Variants in PGBD4 observed in about 807,000 individuals in gnomAD.
PGBD4 encodes piggyBac transposable element derived 4.
A neutral mutation model predicts 0.3 loss-of-function variants in PGBD4; 1 was observed. The observed-to-expected ratio is 3.72, with a 90% CI of 1.32 to 17.64. PGBD4 has a LOEUF of 17.64. Ranked by LOEUF, PGBD4 falls within the 30% of genes most tolerant of loss-of-function variation. The probability of loss-of-function intolerance (pLI) is 0.11; values close to 1 mark genes in which losing one functional copy is unlikely to be tolerated. For synonymous variants in PGBD4, 253 were observed against 267.7 expected (o/e 0.95, Z 0.54); for missense variants, 624 against 719.7 (o/e 0.87, Z 1.52).
rs564890704 is a variant in PGBD4 at position 34,107,942 on chromosome 15, G to C, written c.*3653G>C. On this transcript the variant is annotated 3_prime_UTR_variant, in exon 1 of 1. Transcript: ENST00000397766. ...CTCCCAAAGTGCTGGAATTACAGGC[G>C]TGAGCCACCATGCCTGGCTCTTCTT... is the stretch of plus-strand genomic sequence containing the variant. 6.6e-6 allele frequency: 1 copy of C among 151,988 alleles called. No individual in the cohort carries two copies. The highest frequency in any genetic ancestry group is 1.9e-4 in the East Asian group (1 of 5,146). 9.4% of individuals were successfully genotyped at this position (151,988 alleles called of 1,614,324 possible).
Position 34,103,480 on chromosome 15 carries a change from T to C in PGBD4, c.949T>C (p.Leu317=). ...GAAATCATCACGCATTGTTCTTACC[T>C]TGGTCAATGACCTTCTTGGCCAAGG... ...GLKSSRIVLT[L]VNDLLGQGYC... The change falls in exon 1 of 1, where the codon TTG becomes CTG. Residue 317 remains leucine, a synonymous_variant. Coordinates refer to ENST00000397766, the MANE Select transcript of PGBD4 (RefSeq NM_152595.5). The surrounding 1 kb of genome is among the most constrained non-coding windows in gnomAD (Gnocchi z 4.6). 1 of 1,614,248 alleles carries C rather than the reference T, an allele frequency of 6.2e-7. No individual in the cohort carries two copies. Among genetic ancestry groups the C allele is most frequent in the Non-Finnish European group, 8.5e-7 (1 of 1,180,038 alleles).
At position 34,108,265 on chromosome 15, in the gene PGBD4, T is replaced by C. The variant is rs571221231; in HGVS notation, c.*3976T>C. On this transcript the variant is annotated 3_prime_UTR_variant, in exon 1 of 1. Transcript: ENST00000397766. The stretch of plus-strand genomic sequence containing the variant: ...GGCGTGAGCCACCACGCTGGGCCTC[T>C]TCTTGGTTTTTTAATCCATCTTCTG... 6.6e-6 allele frequency: 1 copy of C among 152,406 alleles called. No homozygotes were observed. Among genetic ancestry groups the C allele is most frequent in the South Asian group, 2.1e-4 (1 of 4,830 alleles). The allele number at this position is 152,406 out of a possible 1,614,324, so 9.4% of individuals were successfully genotyped here. A position where few individuals can be genotyped will look rare whatever the true frequency, so the allele number is the denominator to read the frequency against.
In PGBD4 at chr15:34,105,520, A is replaced by G. The variant is rs1323381184; in HGVS notation, c.*1231A>G. 6.0e-6 allele frequency: 1 copy of G among 167,086 alleles called. No homozygotes were observed. The highest frequency in any genetic ancestry group is 1.5e-5 in the Non-Finnish European group (1 of 68,124). The allele number at this position is 167,086 out of a possible 1,614,324, so 10.4% of individuals were successfully genotyped here. A position where few individuals can be genotyped will look rare whatever the true frequency, so the allele number is the denominator to read the frequency against. On this transcript the variant is annotated 3_prime_UTR_variant, in exon 1 of 1. Transcript: ENST00000397766. The stretch of plus-strand genomic sequence containing the variant: ...GCCAAGTACTCAGCCCTGGCAGGGG[A>G]TGGGGACATGATGCCCAGAGCCACC...
Position 34,103,258 on chromosome 15 carries a change from C to G in PGBD4, c.727C>G (p.Pro243Ala), listed in dbSNP as rs1383090228. The G allele has an allele frequency of 6.8e-6, 11 of 1,614,020 alleles. No individual in the cohort carries two copies. The Admixed American group carries it at 1.3e-4, about 20-fold the overall frequency. ...AAATAAATTTTCCACTGTATATACT[C>G]CAAACAGAAACATTGCAGTTGATGA... ...LVNKFSTVYT[P>A]NRNIAVDESL... Residue 243 changes from proline (P) to alanine (A), a missense_variant, in exon 1 of 1, where the codon CCA becomes GCA. Coordinates refer to ENST00000397766, the MANE Select transcript of PGBD4 (RefSeq NM_152595.5). This position sits in a 1 kb window ranked among gnomAD's most constrained non-coding sequence, Gnocchi z 4.6.
At position 34,104,538 on chromosome 15, in the gene PGBD4, G is replaced by T. The variant is rs1221820557; in HGVS notation, c.*249G>T. The stretch of plus-strand genomic sequence containing the variant: ...GAATTGCTTGAACCCATGAGGCGGA[G>T]GTTGCAGTGAGCTGAGATCACACCA... On this transcript the variant is annotated 3_prime_UTR_variant, in exon 1 of 1. Coordinates refer to ENST00000397766, the MANE Select transcript of PGBD4 (RefSeq NM_152595.5). 1.2e-4 allele frequency: 59 copies of T among 498,614 alleles called. No individual in the cohort carries two copies. In the Admixed American group the frequency reaches 2.2e-3, roughly 19 times the overall value. The allele number at this position is 498,614 out of a possible 1,614,324, so 30.9% of individuals were successfully genotyped here. A position where few individuals can be genotyped will look rare whatever the true frequency, so the allele number is the denominator to read the frequency against.
At position 34,103,403 on chromosome 15, in the gene PGBD4, C is replaced by A. The variant is rs769720800; in HGVS notation, c.872C>A (p.Ala291Glu). The A allele has an allele frequency of 1.2e-6, 2 of 1,614,200 alleles. No homozygotes were observed. The highest frequency in any genetic ancestry group is 8.5e-7 in the Non-Finnish European group (1 of 1,180,048). The change falls in exon 1 of 1, where the codon GCG becomes GAG. Residue 291 changes from alanine to glutamate, a missense_variant. Physicochemically the swap from Ala to Glu is moderately radical, Grantham distance 107. Transcript: ENST00000397766. This position sits in a 1 kb window ranked among gnomAD's most constrained non-coding sequence, Gnocchi z 4.6. ...AGTCAGTCTGGTTATGTGTGGAATG[C>A]GCTTGTTCACACAGGGCCTGGCATG... ...CESQSGYVWN[A>E]LVHTGPGMNL...
At position 34,105,376 on chromosome 15, in the gene PGBD4, T is replaced by G. The variant is rs1174403812; in HGVS notation, c.*1087T>G. On this transcript the variant is annotated 3_prime_UTR_variant, in exon 1 of 1. Transcript: ENST00000397766. Reference sequence around the variant, plus strand: ...ACTTGCCCAAGATCTTTGTTGGCCCTAAACATCGCTGTCTCTGCTACAGAT... The same window carrying G: ...ACTTGCCCAAGATCTTTGTTGGCCCGAAACATCGCTGTCTCTGCTACAGAT... The G allele has an allele frequency of 6.0e-6, 1 of 167,156 alleles. No individual in the cohort carries two copies. Among genetic ancestry groups the G allele is most frequent in the Non-Finnish European group, 1.5e-5 (1 of 68,134 alleles). 10.4% of individuals were successfully genotyped at this position (167,156 alleles called of 1,614,324 possible).
rs1887769535 is a variant in PGBD4, at chr15:34,106,954, C to G, written c.*2665C>G. The stretch of plus-strand genomic sequence containing the variant: ...CCTGGGCAACATAGCCAGACCCTGT[C>G]TCTAAAAAAAAAAAAAAAAAAAAAA... On this transcript the variant is annotated 3_prime_UTR_variant, in exon 1 of 1. Transcript: ENST00000397766. 1 of 37,760 alleles carries G rather than the reference C, an allele frequency of 2.6e-5. No individual in the cohort carries two copies. The highest frequency in any genetic ancestry group is 1.5e-3 in the South Asian group (1 of 688). 2.3% of individuals were successfully genotyped at this position (37,760 alleles called of 1,614,324 possible). A position where few individuals can be genotyped will look rare whatever the true frequency, so the allele number is the denominator to read the frequency against.
rs888415282 is a variant in PGBD4 at position 34,104,477 on chromosome 15, C to A, written c.*188C>A. The A allele has an allele frequency of 3.0e-6, 2 of 658,026 alleles. No homozygotes were observed. Among genetic ancestry groups the A allele is most frequent in the Non-Finnish European group, 5.0e-6 (2 of 400,952 alleles). 40.8% of individuals were successfully genotyped at this position (658,026 alleles called of 1,614,324 possible). On this transcript the variant is annotated 3_prime_UTR_variant, in exon 1 of 1. Transcript: ENST00000397766. ...AATTAGCTGGATGTGGTGGCACATG[C>A]CTGTAATCCAAGCTACTTGGGAGGC... is the stretch of plus-strand genomic sequence containing the variant.
In PGBD4 at chr15:34,102,213, C is replaced by T; in HGVS notation, c.-319C>T. Reference sequence around the variant, plus strand: ...GGGAGAAACACCATCCAGAAGAGACCTTTCAAAAAACTTCTAGAGACTCCC... The same window carrying T: ...GGGAGAAACACCATCCAGAAGAGACTTTTCAAAAAACTTCTAGAGACTCCC... On this transcript the variant is annotated 5_prime_UTR_variant, in exon 1 of 1. Coordinates refer to ENST00000397766, the MANE Select transcript of PGBD4 (RefSeq NM_152595.5). This position sits in a 1 kb window ranked among gnomAD's most constrained non-coding sequence, Gnocchi z 4.7. 1.4e-5 allele frequency: 6 copies of T among 443,838 alleles called. No homozygotes were observed. The highest frequency in any genetic ancestry group is 2.4e-5 in the Non-Finnish European group (6 of 252,604). The allele number at this position is 443,838 out of a possible 1,614,324, so 27.5% of individuals were successfully genotyped here. A position where few individuals can be genotyped will look rare whatever the true frequency, so the allele number is the denominator to read the frequency against.
chr15:34,105,974 A>G lies in PGBD4; in HGVS notation c.*1685A>G, dbSNP rs941680981. The G allele has an allele frequency of 1.8e-5, 3 of 167,100 alleles. No individual in the cohort carries two copies. The Admixed American group carries it at 2.0e-4, about 11-fold the overall frequency. The allele number at this position is 167,100 out of a possible 1,614,324, so 10.4% of individuals were successfully genotyped here. ...TTCCCAAGGCCACACCACACCTGCA[A>G]AATGCCTAACAACCTTCTTCTTTTC... On this transcript the variant is annotated 3_prime_UTR_variant, in exon 1 of 1. Transcript: ENST00000397766.
Position 34,102,198 on chromosome 15 carries a change from C to A in PGBD4, c.-334C>A. 4.4e-6 allele frequency: 2 copies of A among 450,472 alleles called. No homozygotes were observed. Among genetic ancestry groups the A allele is most frequent in the Non-Finnish European group, 7.8e-6 (2 of 255,682 alleles). 27.9% of individuals were successfully genotyped at this position (450,472 alleles called of 1,614,324 possible). ...GACGAGACTGGCTTCGGGAGAAACACCATCCAGAAGAGACCTTTCAAAAAA... is the reference window on the plus strand; with the variant it reads ...GACGAGACTGGCTTCGGGAGAAACAACATCCAGAAGAGACCTTTCAAAAAA... On this transcript the variant is annotated 5_prime_UTR_variant, in exon 1 of 1. Transcript: ENST00000397766. This position sits in a 1 kb window ranked among gnomAD's most constrained non-coding sequence, Gnocchi z 4.7.
In PGBD4 at chr15:34,102,954, T is replaced by C; in HGVS notation, c.423T>C (p.Phe141=). Residue 141 remains phenylalanine (F), a synonymous_variant, in exon 1 of 1, where the codon TTT becomes TTC. Transcript: ENST00000397766. The surrounding 1 kb of genome is among the most constrained non-coding windows in gnomAD (Gnocchi z 4.7). ...CAAAGCCACCGGGTCCGAAAGGATTTTCGCGAATGGATAAATGGAAAGACA... is the reference window on the plus strand; with the variant it reads ...CAAAGCCACCGGGTCCGAAAGGATTCTCGCGAATGGATAAATGGAAAGACA... ...LASKPPGPKG[F]SRMDKWKDTD... The C allele has an allele frequency of 1.2e-6, 2 of 1,613,970 alleles. No homozygotes were observed. Among genetic ancestry groups the C allele is most frequent in the East Asian group, 4.5e-5 (2 of 44,896 alleles).
rs1321199659 is a variant in PGBD4, at chr15:34,102,264, TTCTG to T, written c.-262_-259del. On this transcript the variant is annotated 5_prime_UTR_variant, in exon 1 of 1. It introduces an in-frame stop codon into an upstream open reading frame of the 5' UTR. Transcript: ENST00000397766. This position sits in a 1 kb window ranked among gnomAD's most constrained non-coding sequence, Gnocchi z 4.7. ...CAAGACGTATGAGATGAAAGGCTTC[TTCTG>T]TCTGTGTGCGTTTAACTCATTTCTC... 4.6e-5 allele frequency: 23 copies of T among 504,980 alleles called. No homozygotes were observed. Among genetic ancestry groups the T allele is most frequent in the South Asian group, 1.2e-4 (4 of 32,928 alleles). The allele number at this position is 504,980 out of a possible 1,614,324, so 31.3% of individuals were successfully genotyped here. A position where few individuals can be genotyped will look rare whatever the true frequency, so the allele number is the denominator to read the frequency against.
rs757431660 is a variant in PGBD4, at chr15:34,103,786, CGTGTCATT to C, written c.1259_1266del (p.Val420GlyfsTer3). The stretch of plus-strand genomic sequence containing the variant: ...AAATGGAAAGAAAACTAAAAGGCCA[CGTGTCATT>C]GTGGATTATAACGAGAATATGGGAG... On this transcript the variant is annotated frameshift_variant, in exon 1 of 1. Coordinates refer to ENST00000397766, the MANE Select transcript of PGBD4 (RefSeq NM_152595.5). LOFTEE classifies it low-confidence loss of function (END_TRUNC). This position sits in a 1 kb window ranked among gnomAD's most constrained non-coding sequence, Gnocchi z 4.6. The C allele has an allele frequency of 1.2e-6, 2 of 1,614,126 alleles. No homozygotes were observed. The highest frequency in any genetic ancestry group is 1.7e-6 in the Non-Finnish European group (2 of 1,180,030).
chr15:34,103,362 A>G lies in PGBD4; in HGVS notation c.831A>G (p.Leu277=), dbSNP rs145331237. 13 of 1,614,094 alleles carry G rather than the reference A, an allele frequency of 8.1e-6. No homozygotes were observed. The African/African-American group carries it at 1.2e-4, about 15-fold the overall frequency. ...AACGAGTACGATTTGGTCTGAAGCT[A>G]TATGTACTTTGTGAAAGTCAGTCTG... ...PTKRVRFGLK[L]YVLCESQSGY... The change falls in exon 1 of 1, where the codon CTA becomes CTG. Residue 277 remains leucine (L), a synonymous_variant. Transcript: ENST00000397766. This position sits in a 1 kb window ranked among gnomAD's most constrained non-coding sequence, Gnocchi z 4.6.
rs1887792382 is a variant in PGBD4, at chr15:34,108,396, AG to A, written c.*4108del. On this transcript the variant is annotated 3_prime_UTR_variant, in exon 1 of 1. Transcript: ENST00000397766. ...AAGGATAGTTATCATGAAGGATAAA[AG>A]CCTCAAAATCCTGATTTTGAAATAC... The A allele has an allele frequency of 6.6e-6, 1 of 152,242 alleles. No homozygotes were observed. The highest frequency in any genetic ancestry group is 2.4e-5 in the African/African-American group (1 of 41,468). The allele number at this position is 152,242 out of a possible 1,614,324, so 9.4% of individuals were successfully genotyped here.
Position 34,102,792 on chromosome 15 carries a change from C to A in PGBD4, c.261C>A (p.Asp87Glu). The change falls in exon 1 of 1, where the codon GAC (aspartate) becomes GAA (glutamate). Residue 87 changes from aspartate to glutamate, a missense_variant. Coordinates refer to ENST00000397766, the MANE Select transcript of PGBD4 (RefSeq NM_152595.5). This position sits in a 1 kb window ranked among gnomAD's most constrained non-coding sequence, Gnocchi z 4.7. ...CTATGATTCCACGTCAAAGGTATGACTTTACCGGCACACCTGGCAGAAAAG... is the reference window on the plus strand; with the variant it reads ...CTATGATTCCACGTCAAAGGTATGAATTTACCGGCACACCTGGCAGAAAAG... ...ARAMIPRQRY[D>E]FTGTPGRKVD... is the part of the protein sequence containing the mutation. The A allele has an allele frequency of 2.5e-6, 4 of 1,614,160 alleles. No individual in the cohort carries two copies. Among genetic ancestry groups the A allele is most frequent in the Non-Finnish European group, 3.4e-6 (4 of 1,180,036 alleles).
At position 34,104,223 on chromosome 15, in the gene PGBD4, C is replaced by T. The variant is rs141924576; in HGVS notation, c.1692C>T (p.Ala564=). 20 of 1,613,882 alleles carry T rather than the reference C, an allele frequency of 1.2e-5. No homozygotes were observed. The highest frequency in any genetic ancestry group is 1.4e-5 in the Non-Finnish European group (17 of 1,180,004). ...KIRKETRYFC[A]ECDVPLCVVP... ...GGAAAGAAACGCGCTATTTTTGTGC[C>T]GAATGTGATGTTCCGCTTTGTGTTG... The change falls in exon 1 of 1, where the codon GCC becomes GCT. Residue 564 remains alanine (A), a synonymous_variant. Coordinates refer to ENST00000397766, the MANE Select transcript of PGBD4 (RefSeq NM_152595.5).
Sources: gnomAD v4.1 joint callset for allele counts on GRCh38, gnomAD v4.1.1 for gene constraint, Gnocchi (gnomAD v3.1) non-coding constraint, MANE v1.5 for transcripts, NCBI Gene and HGNC (gene_info 2026-07-23, HGNC 2026-07-21) for gene names.